Variants in SASH1 observed in about 807,000 individuals in gnomAD.
SASH1 encodes SAM and SH3 domain containing 1.
A neutral mutation model predicts 125.2 loss-of-function variants in SASH1; 44 were observed. The observed-to-expected ratio is 0.35, with a 90% CI of 0.28 to 0.45. SASH1 has a LOEUF of 0.45. SASH1 is among the 20% of genes least tolerant of loss of function. The pLI is 1.00. For missense variants in SASH1, 1,426 were observed against 1,614.5 expected, an observed-to-expected ratio of 0.88 and a Z score of 2.00; for synonymous variants, 639 against 649.1, an observed-to-expected ratio of 0.98 and a Z score of 0.24.
chr6:148,453,735 T>C (rs568135270), intron 4 of SASH1, among the ~76,000 whole-genome samples: 1 of 152,242 alleles, frequency 6.6e-6, no homozygotes, highest in African/African-American at 2.4e-5. Context: ...CCTCTTACAA[T>C]CTGAAGACAT....
chr6:148,472,669 T>C (rs1034474713), intron 6 of SASH1, among the ~76,000 whole-genome samples: 1 of 152,162 alleles, frequency 6.6e-6, no homozygotes, highest in Non-Finnish European at 1.5e-5. Context: ...CCTGTGCAAG[T>C]AGCAAAGGGA....
chr6:148,333,552 A>G (rs1388858048), intron 1 of SASH1, among the ~76,000 whole-genome samples: 1 of 151,978 alleles, frequency 6.6e-6, no homozygotes, highest in Non-Finnish European at 1.5e-5. Flanking sequence ...GCTCTAGATA[A>G]AATATCGTTG....
chr6:148,482,178 A>T (rs115757224), intron 7 of SASH1, among the ~76,000 whole-genome samples: 2,362 of 152,304 alleles, frequency 0.016, 59 homozygotes, highest in African/African-American at 0.054. Flanking sequence ...GATAAAAAAG[A>T]ATAGTAGTAA....
At chr6:148,353,502 T>A (rs1171080699) in intron 1 of SASH1, among the ~76,000 whole-genome samples, 1 of 145,092 alleles carries the variant, frequency 6.9e-6, no homozygotes, top group African/African-American at 2.5e-5. Context: ...TGGCGCGATC[T>A]CGGCTCACTG....
chr6:148,361,914 CT>C (rs745596285), intron 1 of SASH1, among the ~76,000 whole-genome samples: 412 of 125,446 alleles, frequency 3.3e-3, no homozygotes, highest in African/African-American at 7.6e-3. Context: ...TTTTCTTTTT[CT>C]TTTTTTTTTT....
intron 8 of SASH1, among the ~76,000 whole-genome samples, chr6:148,504,955 T>A (rs1779719935): frequency 6.6e-6 from 1 of 152,132 alleles, no homozygotes; most frequent in African/African-American, 2.4e-5. Flanking sequence ...GAGAGGCCGC[T>A]CAGGGGAAGT....
chr6:148,319,118 C>T (rs1040660894), intron 1 of SASH1, among the ~76,000 whole-genome samples: 5 of 145,334 alleles, frequency 3.4e-5, no homozygotes, highest in Non-Finnish European at 7.5e-5. Flanking sequence ...CTGCAAGCTC[C>T]GCCTCCCGAG....
At chr6:148,512,113 G>T (rs1253320452) in intron 8 of SASH1, among the ~76,000 whole-genome samples, 1 of 152,060 alleles carries the variant, frequency 6.6e-6, no homozygotes, top group African/African-American at 2.4e-5. Context: ...CCGCCTCCTG[G>T]GTTCACGCCA....
intron 1 of SASH1, among the ~76,000 whole-genome samples, chr6:148,287,296 C>T (rs1024086215): frequency 2.6e-5 from 4 of 152,150 alleles, no homozygotes; most frequent in African/African-American, 9.7e-5. Flanking sequence ...GGCCAATAGT[C>T]CCTACGCCTT....
At chr6:148,395,238 G>A (rs543401626) in intron 2 of SASH1, among the ~76,000 whole-genome samples, 336 of 152,252 alleles carry the variant, frequency 2.2e-3, no homozygotes, top group Middle Eastern at 0.01. Context: ...TCTACAGATA[G>A]GATACTTAGA....
At chr6:148,489,677 G>T (rs973219057) in intron 8 of SASH1, among the ~76,000 whole-genome samples, 4 of 152,012 alleles carry the variant, frequency 2.6e-5, no homozygotes, top group Non-Finnish European at 4.4e-5. Flanking sequence ...TATAAGTCTT[G>T]CTTCCTTAAT....
intron 8 of SASH1, among the ~76,000 whole-genome samples, chr6:148,498,656 A>G (rs1270844736): frequency 6.6e-6 from 1 of 152,210 alleles, no homozygotes; most frequent in African/African-American, 2.4e-5. Context: ...ACCACAGAGG[A>G]TATGCCACAT....
intron 2 of SASH1, among the ~76,000 whole-genome samples, chr6:148,404,581 C>T (rs1399217884): frequency 2.4e-5 from 3 of 126,254 alleles, no homozygotes; most frequent in African/African-American, 6.1e-5. Flanking sequence ...CGCCCCAACC[C>T]CCACCACCTG....
intron 1 of SASH1, among the ~76,000 whole-genome samples, chr6:148,275,184 G>A (rs928725171): frequency 3.3e-5 from 5 of 152,174 alleles, no homozygotes; most frequent in African/African-American, 4.8e-5. Context: ...AAGAACTTGC[G>A]TCATATTGTT....
chr6:148,438,159 AAACT>A (rs1470196126), intron 2 of SASH1, among the ~76,000 whole-genome samples: 3 of 152,212 alleles, frequency 2.0e-5, no homozygotes, highest in Non-Finnish European at 2.9e-5. Context: ...AATTTCAGAC[AAACT>A]AACAGTTTAG....
chr6:148,470,619 A>G (rs1389050389), intron 5 of SASH1, among the ~76,000 whole-genome samples: 1 of 152,208 alleles, frequency 6.6e-6, no homozygotes, highest in Admixed American at 6.5e-5. Flanking sequence ...ACCCTACCAC[A>G]TATTAAAAAT....
At chr6:148,419,656 C>T (rs116181883) in intron 2 of SASH1, among the ~76,000 whole-genome samples, 2,427 of 152,232 alleles carry the variant, frequency 0.016, 46 homozygotes, top group African/African-American at 0.051. Context: ...ACAGACCATC[C>T]GTTTTCTGCC....
chr6:148,286,732 A>G (rs1341372263), intron 1 of SASH1, among the ~76,000 whole-genome samples: 1 of 152,094 alleles, frequency 6.6e-6, no homozygotes, highest in Non-Finnish European at 1.5e-5. Flanking sequence ...TTTTAACTTA[A>G]TTACCTCTTT....
chr6:148,448,381 G>T (rs1177795816), intron 4 of SASH1, among the ~76,000 whole-genome samples: 3 of 151,984 alleles, frequency 2.0e-5, no homozygotes, highest in Non-Finnish European at 4.4e-5. Flanking sequence ...TTGCCATGAA[G>T]CCTGGCTCCT....
Sources: allele counts gnomAD v4.1 joint callset (sites outside exome capture counted in the v4.1 genomes callset), GRCh38; gene constraint gnomAD v4.1.1; transcripts MANE v1.5; gene names NCBI Gene and HGNC (gene_info 2026-07-23, HGNC 2026-07-21).